The following NPAS3 variants were observed in gnomAD, a reference collection of about 807,000 sequenced individuals.
NPAS3 encodes neuronal PAS domain-containing protein 3.
In NPAS3, 14 loss-of-function variants were observed where a neutral mutation model predicts 73.1. The ratio of observed to expected loss-of-function variants is 0.19; its 90% CI spans 0.13 to 0.30. The LOEUF is 0.30. NPAS3 is among the 10% of genes least tolerant of loss of function. The pLI is 1.00. For synonymous variants in NPAS3, 620 were observed against 541.5 expected (o/e 1.14, Z -2.01); for missense variants, 1,096 against 1,250.0 (o/e 0.88, Z 1.86).
intron 6 of NPAS3, among the ~76,000 whole-genome samples, chr14:33,730,701 A>AG (rs1427085745): frequency 6.6e-6 from 1 of 152,220 alleles, no homozygotes; most frequent in East Asian, 1.9e-4. Context: ...CAAGGAAAAA[A>AG]CCAACTTGTC....
At chr14:33,427,592 A>T (rs2048609928) in intron 4 of NPAS3, among the ~76,000 whole-genome samples, 1 of 151,930 alleles carries the variant, frequency 6.6e-6, no homozygotes, top group African/African-American at 2.4e-5. Context: ...AGTAGAGCAT[A>T]ATGAGACTGT....
At chr14:33,098,592 G>A (rs2042491061) in intron 2 of NPAS3, among the ~76,000 whole-genome samples, 1 of 152,156 alleles carries the variant, frequency 6.6e-6, no homozygotes, top group Non-Finnish European at 1.5e-5. Context: ...CTAATTTCAA[G>A]ACTCTATTTG....
intron 6 of NPAS3, among the ~76,000 whole-genome samples, chr14:33,717,300 G>A (rs1318227397): frequency 6.6e-6 from 1 of 150,960 alleles, no homozygotes; most frequent in Non-Finnish European, 1.5e-5. Context: ...GTAGGAAGGA[G>A]TCCTAGAGTT....
intron 2 of NPAS3, among the ~76,000 whole-genome samples, chr14:33,179,912 C>T (rs533995906): frequency 1.6e-4 from 25 of 152,180 alleles, no homozygotes; most frequent in African/African-American, 4.1e-4. Flanking sequence ...AGAAAAACAA[C>T]GTGATTCTTC....
At chr14:33,787,073 C>T (rs547781198) in intron 9 of NPAS3, among the ~76,000 whole-genome samples, 1 of 151,796 alleles carries the variant, frequency 6.6e-6, no homozygotes, top group South Asian at 2.1e-4. Flanking sequence ...GGTATAGGTC[C>T]TAAAAAAAAT....
Position 33,316,283 on chromosome 14 carries a change from G to A in NPAS3, c.386-50903G>A, listed in dbSNP as rs574376382. 5.9e-5 allele frequency among the ~76,000 whole-genome samples: 9 copies of A among 152,128 alleles called. No individual in the cohort carries two copies. The South Asian group carries it at 6.2e-4, about 11-fold the overall frequency. On this transcript the variant is annotated intron_variant, in intron 3 of 11. Coordinates refer to ENST00000356141, the Ensembl canonical transcript of NPAS3. ...TCAACAGATTTTTTTAAAATCACGC[G>A]TGGGCTTCTGTATTGAATTCTCTGC... is the stretch of plus-strand genomic sequence containing the variant.
chr14:33,593,943 C>T (rs1476657188), intron 5 of NPAS3, among the ~76,000 whole-genome samples: 1 of 152,156 alleles, frequency 6.6e-6, no homozygotes, highest in Admixed American at 6.5e-5. Flanking sequence ...ATACCTCTCT[C>T]AACACACATC....
chr14:33,466,565 G>A (rs1319161321), intron 4 of NPAS3, among the ~76,000 whole-genome samples: 2 of 152,156 alleles, frequency 1.3e-5, no homozygotes, highest in Non-Finnish European at 2.9e-5. Flanking sequence ...AGAAATACCT[G>A]AGACCGAGTA....
intron 6 of NPAS3, among the ~76,000 whole-genome samples, chr14:33,684,777 C>G (rs1331000309): frequency 2.0e-5 from 3 of 152,218 alleles, no homozygotes; most frequent in Admixed American, 1.3e-4. Flanking sequence ...TCTGTGTCGG[C>G]CAACACTGGG....
chr14:33,147,725 T>TAAAAAAA (rs72264623), intron 2 of NPAS3, among the ~76,000 whole-genome samples: 13 of 91,636 alleles, frequency 1.4e-4, no homozygotes, highest in African/African-American at 6.4e-4. Flanking sequence ...TAAAGTAGAA[T>TAAAAAAA]AAAAAATATA....
At chr14:33,563,723 G>T (rs1388756324) in intron 5 of NPAS3, among the ~76,000 whole-genome samples, 2 of 152,086 alleles carry the variant, frequency 1.3e-5, no homozygotes, top group Non-Finnish European at 2.9e-5. Flanking sequence ...TGCTGAGTTT[G>T]GCTTGCATAG....
chr14:33,467,720 T>C (rs188137146), intron 4 of NPAS3, among the ~76,000 whole-genome samples: 12 of 152,210 alleles, frequency 7.9e-5, no homozygotes, highest in Admixed American at 6.5e-4. Context: ...ACCTAAGCAA[T>C]GTGGAGCATG....
intron 5 of NPAS3, among the ~76,000 whole-genome samples, chr14:33,567,105 CA>C (rs1347987326): frequency 6.6e-6 from 1 of 152,158 alleles, no homozygotes. Flanking sequence ...ATCTTCCTGC[CA>C]CACAGCTTGT....
At chr14:33,104,724 T>A (rs7151329) in intron 2 of NPAS3, among the ~76,000 whole-genome samples, 3 of 152,194 alleles carry the variant, frequency 2.0e-5, no homozygotes, top group African/African-American at 7.2e-5. Flanking sequence ...TAGGTGCAAT[T>A]GCTACATCAC....
intron 4 of NPAS3, among the ~76,000 whole-genome samples, chr14:33,409,125 A>C (rs1364204006): frequency 2.0e-5 from 3 of 152,200 alleles, no homozygotes; most frequent in Non-Finnish European, 4.4e-5. Context: ...AAATTTCAAG[A>C]ATAGGGTCCA....
chr14:33,488,606 C>T (rs1468987622), intron 4 of NPAS3, among the ~76,000 whole-genome samples: 1 of 152,052 alleles, frequency 6.6e-6, no homozygotes, highest in Non-Finnish European at 1.5e-5. Flanking sequence ...TCATCATATT[C>T]CTAGAGCTGG....
At chr14:33,679,033 G>A (rs2059854981) in intron 6 of NPAS3, among the ~76,000 whole-genome samples, 1 of 152,154 alleles carries the variant, frequency 6.6e-6, no homozygotes, top group Non-Finnish European at 1.5e-5. Context: ...ACATTGAAGT[G>A]TGATTGAAAG....
At chr14:33,651,616 T>C (rs2058996088) in intron 5 of NPAS3, among the ~76,000 whole-genome samples, 2 of 152,182 alleles carry the variant, frequency 1.3e-5, no homozygotes. Flanking sequence ...CACTAATTCC[T>C]TGGTGAAAGT....
chr14:33,541,682 G>A (rs574731603), intron 4 of NPAS3, among the ~76,000 whole-genome samples: 24 of 152,292 alleles, frequency 1.6e-4, no homozygotes, highest in African/African-American at 5.8e-4. Context: ...AATAATGCCT[G>A]TGAAAATTCC....
Sources: gnomAD v4.1 joint callset for allele counts (sites outside exome capture counted in the v4.1 genomes callset) on GRCh38, gnomAD v4.1.1 for gene constraint, MANE v1.5 for transcripts, NCBI Gene and HGNC (gene_info 2026-07-23, HGNC 2026-07-21) for gene names.